The following SLC12A1 variants were observed in gnomAD, a reference collection of about 807,000 sequenced individuals.
SLC12A1 encodes the protein solute carrier family 12 member 1.
A neutral mutation model predicts 130.4 loss-of-function variants in SLC12A1; 89 were observed. The ratio of observed to expected loss-of-function variants is 0.68; its 90% CI spans 0.58 to 0.81. The LOEUF (loss-of-function observed/expected upper bound fraction) is 0.81, where lower values mean the gene tolerates loss of function less well. Ranked by LOEUF, SLC12A1 falls within the 40% of genes least tolerant of loss-of-function variation. The pLI is 0.00. For missense variants in SLC12A1, 1,310 were observed against 1,336.4 expected, an observed-to-expected ratio of 0.98 and a Z score of 0.31; for synonymous variants, 499 against 460.0, an observed-to-expected ratio of 1.08 and a Z score of -1.09.
At chr15:48,299,091 A>G (rs1406760361) in intron 24 of SLC12A1, 49 bp from the exon 25 acceptor site, 48 of 1,533,684 alleles carry the variant, frequency 3.1e-5, no homozygotes, top group Non-Finnish European at 4.2e-5. Flanking sequence ...TCTGTGAAAT[A>G]ATGAGTTAGT....
At chr15:48,297,374 TGCCCACCTG>T in intron 24 of SLC12A1, among the ~76,000 whole-genome samples, 1 of 152,338 alleles carries the variant, frequency 6.6e-6, no homozygotes, top group Non-Finnish European at 1.5e-5. Context: ...CTGTGTTATG[TGCCCACCTG>T]GCCAATTACT....
intron 26 of SLC12A1, among the ~76,000 whole-genome samples, chr15:48,302,063 G>A (rs1415304964): frequency 6.6e-6 from 1 of 152,122 alleles, no homozygotes; most frequent in African/African-American, 2.4e-5. Context: ...TTGGGTGGTA[G>A]GGTTCCAATA....
At chr15:48,269,636 C>T (rs753069048) in intron 18 of SLC12A1, 22 bp from the exon 19 acceptor site, 20 of 1,392,350 alleles carry the variant, frequency 1.4e-5, no homozygotes, top group African/African-American at 8.5e-5. Flanking sequence ...GGATTGCCCA[C>T]ATTTTTATGT....
At chr15:48,247,971 AT>A (rs1227735466) in intron 13 of SLC12A1, among the ~76,000 whole-genome samples, 1 of 152,224 alleles carries the variant, frequency 6.6e-6, no homozygotes, top group Non-Finnish European at 1.5e-5. Flanking sequence ...GACCACTGGC[AT>A]TTGAGAATCA....
chr15:48,234,979 G>C lies in SLC12A1; in HGVS notation c.1190G>C (p.Gly397Ala), dbSNP rs767494190. The C allele has an allele frequency of 3.7e-6, 6 of 1,613,708 alleles. No homozygotes were observed. The highest frequency in any genetic ancestry group is 2.5e-6 in the Non-Finnish European group (3 of 1,179,834). ...FFPAATGILAGANISGDLEDP... is the reference protein window; with the variant it reads ...FFPAATGILAAANISGDLEDP... ...CCAGCAGCTACTGGGATTCTTGCTGGTGCCAATATCTCAGGAGATTTGGAG... is the reference window on the plus strand; with the variant it reads ...CCAGCAGCTACTGGGATTCTTGCTGCTGCCAATATCTCAGGAGATTTGGAG... Residue 397 changes from glycine (G) to alanine (A), a missense_variant, in exon 9 of 27, where the codon GGT becomes GCT. Coordinates refer to ENST00000380993, the MANE Select transcript of SLC12A1 (RefSeq NM_000338.3).
intron 20 of SLC12A1, among the ~76,000 whole-genome samples, chr15:48,283,181 C>G (rs1250642102): frequency 6.6e-6 from 1 of 152,124 alleles, no homozygotes; most frequent in Non-Finnish European, 1.5e-5. Flanking sequence ...GCCATTCTTG[C>G]TCTGTTTTTT....
chr15:48,208,847 AG>A (rs542683202), intron 2 of SLC12A1, among the ~76,000 whole-genome samples: 195 of 152,312 alleles, frequency 1.3e-3, no homozygotes, highest in Middle Eastern at 3.4e-3. Flanking sequence ...TTTAGTGTGT[AG>A]GGGTATTTTT....
chr15:48,219,614 G>C (rs1567305010), intron 2 of SLC12A1, among the ~76,000 whole-genome samples: 1 of 150,570 alleles, frequency 6.6e-6, no homozygotes, highest in Non-Finnish European at 1.5e-5. Context: ...GAAAGAGAGA[G>C]AGAAGGAAAG....
chr15:48,229,352 TC>T, intron 6 of SLC12A1, 24 bp downstream of exon 6: 1 of 1,569,862 alleles, frequency 6.4e-7, no homozygotes, highest in East Asian at 2.3e-5. Context: ...TTTCTTTTTT[TC>T]TGCCAAGCAG....
chr15:48,242,312 A>C (rs984795724), intron 10 of SLC12A1, among the ~76,000 whole-genome samples: 27 of 152,210 alleles, frequency 1.8e-4, no homozygotes, highest in African/African-American at 5.6e-4. Context: ...ACCATCTTCT[A>C]TGTACAACAG....
intron 13 of SLC12A1, among the ~76,000 whole-genome samples, chr15:48,248,415 T>G (rs931063535): frequency 6.6e-6 from 1 of 152,272 alleles, no homozygotes; most frequent in Admixed American, 6.5e-5. Context: ...CTGTGCTGCA[T>G]TTAAGCGAAT....
intron 24 of SLC12A1, among the ~76,000 whole-genome samples, chr15:48,296,957 C>T (rs2042183360): frequency 1.3e-5 from 2 of 152,144 alleles, no homozygotes; most frequent in Non-Finnish European, 2.9e-5. Context: ...CCCTGTGTCA[C>T]TTAGCATGTT....
chr15:48,229,055 T>C (rs976124600), intron 5 of SLC12A1, 134 bp from the exon 6 acceptor site: 3 of 948,480 alleles, frequency 3.2e-6, no homozygotes, highest in Non-Finnish European at 4.6e-6. Flanking sequence ...AACACAGGAT[T>C]CCTAAAATTA....
intron 17 of SLC12A1, among the ~76,000 whole-genome samples, chr15:48,267,189 C>A (rs1252935697): frequency 6.6e-6 from 1 of 152,188 alleles, no homozygotes; most frequent in African/African-American, 2.4e-5. Flanking sequence ...AGATTTCTTT[C>A]GTGTTCCTGA....
At position 48,241,508 on chromosome 15, in the gene SLC12A1, T is replaced by C; in HGVS notation, c.1216-7T>C. The stretch of plus-strand genomic sequence containing the variant: ...TATTCTTCTACCTCCACATTATTTT[T>C]TTAAAGGATCCCCAAGATGCCATCC... On this transcript the variant is annotated splice_polypyrimidine_tract_variant and splice_region_variant and intron_variant, in intron 9 of 26. Transcript: ENST00000380993. 6.2e-7 allele frequency: 1 copy of C among 1,606,016 alleles called. No individual in the cohort carries two copies. The highest frequency in any genetic ancestry group is 2.2e-5 in the East Asian group (1 of 44,828).
At chr15:48,268,057 A>T (rs2041853033) in intron 18 of SLC12A1, among the ~76,000 whole-genome samples, 2 of 152,180 alleles carry the variant, frequency 1.3e-5, no homozygotes, top group African/African-American at 2.4e-5. Context: ...GCATATAGCA[A>T]TGCTCAAGTC....
chr15:48,215,654 C>T (rs939567628), intron 2 of SLC12A1, among the ~76,000 whole-genome samples: 2 of 152,184 alleles, frequency 1.3e-5, no homozygotes, highest in African/African-American at 4.8e-5. Flanking sequence ...ACCCTCCACC[C>T]AAAGTCATGT....
intron 5 of SLC12A1, 34 bp from the exon 6 acceptor site, chr15:48,229,155 C>G (rs1157141050): frequency 6.4e-7 from 1 of 1,564,318 alleles, no homozygotes; most frequent in African/African-American, 1.4e-5. Flanking sequence ...ACTAGCAGTT[C>G]CTCAATGTGA....
intron 20 of SLC12A1, among the ~76,000 whole-genome samples, chr15:48,283,140 A>G (rs1209401982): frequency 6.6e-6 from 1 of 152,206 alleles, no homozygotes; most frequent in Non-Finnish European, 1.5e-5. Context: ...GCCCATTTCC[A>G]AAAGTTGCAT....
Sources: gnomAD v4.1 joint callset for allele counts (sites outside exome capture counted in the v4.1 genomes callset) on GRCh38, gnomAD v4.1.1 for gene constraint, MANE v1.5 for transcripts, NCBI Gene and HGNC (gene_info 2026-07-23, HGNC 2026-07-21) for gene names.